Variants in PTPRT observed in about 807,000 individuals in gnomAD.
The protein encoded by PTPRT is protein tyrosine phosphatase receptor type T.
A neutral mutation model predicts 176.8 loss-of-function variants in PTPRT; 56 were observed. That is an observed-to-expected ratio of 0.32 (90% CI 0.26 to 0.40). The LOEUF is 0.40. PTPRT is among the 10% of genes least tolerant of loss of function. PTPRT has a pLI of 1.00. For missense variants in PTPRT, 1,540 were observed against 1,908.2 expected (o/e 0.81, Z 3.60); for synonymous variants, 783 against 739.0 (o/e 1.06, Z -0.96).
intron 7 of PTPRT, among the ~76,000 whole-genome samples, chr20:42,644,304 C>T (rs559516954): frequency 6.6e-6 from 1 of 152,240 alleles, no homozygotes; most frequent in South Asian, 2.1e-4. Context: ...CTTCCCAAAA[C>T]ACATGTCACT....
chr20:42,370,958 A>G (rs747323757), intron 9 of PTPRT, among the ~76,000 whole-genome samples: 8 of 152,102 alleles, frequency 5.3e-5, no homozygotes, highest in Non-Finnish European at 1.0e-4. Flanking sequence ...CTACAGCATG[A>G]TTTTCCACCC....
intron 2 of PTPRT, among the ~76,000 whole-genome samples, chr20:42,838,390 C>A (rs1188825451): frequency 6.6e-6 from 1 of 152,190 alleles, no homozygotes; most frequent in Non-Finnish European, 1.5e-5. Flanking sequence ...ATATTATGAG[C>A]CCTTGCCCCT....
At chr20:42,365,955 A>C (rs1652934148) in intron 9 of PTPRT, among the ~76,000 whole-genome samples, 1 of 152,198 alleles carries the variant, frequency 6.6e-6, no homozygotes, top group Admixed American at 6.5e-5. Context: ...ATTCCCTTCC[A>C]CACTGAGTGC....
intron 7 of PTPRT, among the ~76,000 whole-genome samples, chr20:42,621,927 T>C (rs2074204669): frequency 6.6e-6 from 1 of 150,608 alleles, no homozygotes; most frequent in Non-Finnish European, 1.5e-5. Context: ...CAAAGACCCC[T>C]TTGGCAGGGT....
intron 7 of PTPRT, among the ~76,000 whole-genome samples, chr20:42,538,503 A>G (rs1175009173): frequency 6.6e-6 from 1 of 152,212 alleles, no homozygotes; most frequent in Admixed American, 6.5e-5. Context: ...TCTTGACCTC[A>G]GCCCCCTAAT....
intron 20 of PTPRT, 35 bp from the exon 21 acceptor site, chr20:42,118,535 C>A: frequency 6.4e-7 from 1 of 1,558,952 alleles, no homozygotes; most frequent in Non-Finnish European, 8.7e-7. Context: ...TTAGAGAATG[C>A]AAGTGCAAAG....
chr20:42,493,382 A>T (rs2071596251), intron 7 of PTPRT, among the ~76,000 whole-genome samples: 1 of 151,574 alleles, frequency 6.6e-6, no homozygotes, highest in Non-Finnish European at 1.5e-5. Context: ...AGACTAAGAA[A>T]CTCATCATCA....
intron 7 of PTPRT, among the ~76,000 whole-genome samples, chr20:42,608,599 A>G (rs946363429): frequency 6.6e-6 from 1 of 152,182 alleles, no homozygotes; most frequent in African/African-American, 2.4e-5. Context: ...TGGAACAGCC[A>G]GGGGAGATTT....
chr20:43,161,732 C>CA (rs2014706452), intron 1 of PTPRT, among the ~76,000 whole-genome samples: 1 of 151,846 alleles, frequency 6.6e-6, no homozygotes, highest in Non-Finnish European at 1.5e-5. Flanking sequence ...ATTTTTCCTG[C>CA]AAAAAAGCAA....
intron 7 of PTPRT, among the ~76,000 whole-genome samples, chr20:42,604,514 CTT>C (rs113687867): frequency 6.7e-6 from 1 of 149,912 alleles, no homozygotes; most frequent in African/African-American, 2.4e-5. Context: ...ATTTAGTTCT[CTT>C]TTTTTTTTCT....
chr20:42,343,159 C>T (rs1278352572), intron 11 of PTPRT, among the ~76,000 whole-genome samples: 1 of 152,172 alleles, frequency 6.6e-6, no homozygotes, highest in East Asian at 1.9e-4. Flanking sequence ...CCCCCACACT[C>T]TCCTAGACCA....
intron 7 of PTPRT, among the ~76,000 whole-genome samples, chr20:42,497,928 A>C (rs1404896269): frequency 6.6e-6 from 1 of 152,126 alleles, no homozygotes; most frequent in African/African-American, 2.4e-5. Context: ...ATTTATCTTG[A>C]AATGGCAGAA....
At chr20:42,508,904 TAA>T (rs2071898964) in intron 7 of PTPRT, among the ~76,000 whole-genome samples, 2 of 144,532 alleles carry the variant, frequency 1.4e-5, no homozygotes, top group Admixed American at 7.1e-5. Context: ...TAAATATAAA[TAA>T]TATAATTTAT....
At chr20:42,927,467 C>T (rs1445533962) in intron 1 of PTPRT, among the ~76,000 whole-genome samples, 1 of 152,162 alleles carries the variant, frequency 6.6e-6, no homozygotes, top group East Asian at 1.9e-4. Flanking sequence ...GAGACTGAGA[C>T]AAGAGAATCG....
intron 17 of PTPRT, among the ~76,000 whole-genome samples, chr20:42,153,261 CA>C (rs1989212542): frequency 6.6e-6 from 1 of 152,148 alleles, no homozygotes; most frequent in Non-Finnish European, 1.5e-5. Flanking sequence ...AATAAATACT[CA>C]GTCAGTGTTT....
chr20:42,430,061 G>A (rs1173101073), intron 9 of PTPRT, among the ~76,000 whole-genome samples: 2 of 152,344 alleles, frequency 1.3e-5, no homozygotes, highest in Middle Eastern at 3.4e-3. Context: ...AAATGGTACA[G>A]TGTCTGTATA....
chr20:42,892,520 A>T (rs1326702609), intron 1 of PTPRT, among the ~76,000 whole-genome samples: 1 of 152,082 alleles, frequency 6.6e-6, no homozygotes, highest in Admixed American at 6.5e-5. Context: ...GGCTAAACCT[A>T]AAAAAGGTGG....
At chr20:42,793,010 G>A (rs907198209) in intron 2 of PTPRT, among the ~76,000 whole-genome samples, 1 of 152,152 alleles carries the variant, frequency 6.6e-6, no homozygotes, top group African/African-American at 2.4e-5. Context: ...TGCAGAGCAG[G>A]CGGATGGCCA....
At chr20:42,630,062 T>G (rs1006708236) in intron 7 of PTPRT, among the ~76,000 whole-genome samples, 2 of 152,198 alleles carry the variant, frequency 1.3e-5, no homozygotes, top group African/African-American at 4.8e-5. Flanking sequence ...GGGGAGATTA[T>G]TCTTCATTTT....
Sources: gnomAD v4.1 joint callset for allele counts (sites outside exome capture counted in the v4.1 genomes callset) on GRCh38, gnomAD v4.1.1 for gene constraint, MANE v1.5 for transcripts, NCBI Gene and HGNC (gene_info 2026-07-23, HGNC 2026-07-21) for gene names.